Variants in CUX2 observed in about 807,000 individuals in gnomAD.
CUX2 encodes homeobox protein cut-like 2.
A neutral mutation model predicts 144.8 loss-of-function variants in CUX2; 40 were observed. That is an observed-to-expected ratio of 0.28 (90% CI 0.21 to 0.36). CUX2 has a LOEUF of 0.36. CUX2 is among the 10% of genes least tolerant of loss of function. The probability of loss-of-function intolerance (pLI) is 1.00; values close to 1 mark genes in which losing one functional copy is unlikely to be tolerated. For synonymous variants in CUX2, 827 were observed against 875.6 expected (o/e 0.94, Z 0.98); for missense variants, 1,615 against 1,994.0 (o/e 0.81, Z 3.62).
At chr12:111,317,713 C>T (rs913896399) in intron 16 of CUX2, among the ~76,000 whole-genome samples, 2 of 151,974 alleles carry the variant, frequency 1.3e-5, no homozygotes, top group African/African-American at 4.8e-5. Flanking sequence ...CATGTGATAC[C>T]GACCGGGCGC....
At chr12:111,084,816 G>C (rs540283337) in intron 1 of CUX2, among the ~76,000 whole-genome samples, 1 of 151,314 alleles carries the variant, frequency 6.6e-6, no homozygotes, top group South Asian at 2.1e-4. Flanking sequence ...TAGACAGCCC[G>C]CTGTACCTGC....
intron 1 of CUX2, among the ~76,000 whole-genome samples, chr12:111,211,790 G>A (rs1260528863): frequency 6.6e-6 from 1 of 152,012 alleles, no homozygotes; most frequent in Non-Finnish European, 1.5e-5. Context: ...GAGGCTGGGA[G>A]GCAGGAGAAT....
intron 1 of CUX2, among the ~76,000 whole-genome samples, chr12:111,179,414 A>C (rs1388585542): frequency 6.6e-6 from 1 of 152,194 alleles, no homozygotes; most frequent in Non-Finnish European, 1.5e-5. Flanking sequence ...TTCATGATGA[A>C]TTCTGTTTAC....
intron 18 of CUX2, among the ~76,000 whole-genome samples, chr12:111,332,468 A>C (rs1450709122): frequency 6.6e-6 from 1 of 152,020 alleles, no homozygotes; most frequent in Non-Finnish European, 1.5e-5. Flanking sequence ...TGCACCATGG[A>C]CATCTTTTCA....
chr12:111,234,118 T>C lies in CUX2; in HGVS notation c.222+16181T>C, dbSNP rs564227291. 2.0e-5 allele frequency among the ~76,000 whole-genome samples: 3 copies of C among 151,884 alleles called. No homozygotes were observed. In the South Asian group the frequency reaches 6.3e-4, roughly 32 times the overall value. On this transcript the variant is annotated intron_variant, in intron 3 of 21. Transcript: ENST00000261726. ...TAGTCTAACATTATATGCCCAAGAGTGGGTAAAAAAACAGAATTAAGTTAG... is the reference window on the plus strand; with the variant it reads ...TAGTCTAACATTATATGCCCAAGAGCGGGTAAAAAAACAGAATTAAGTTAG...
intron 1 of CUX2, among the ~76,000 whole-genome samples, chr12:111,183,146 T>G (rs1042566056): frequency 6.6e-6 from 1 of 152,248 alleles, no homozygotes; most frequent in African/African-American, 2.4e-5. Flanking sequence ...CTGAAGTTTA[T>G]GTGCTTCACC....
intron 19 of CUX2, 102 bp from the exon 20 acceptor site, chr12:111,338,184 C>G: frequency 7.8e-7 from 1 of 1,276,556 alleles, no homozygotes; most frequent in South Asian, 1.5e-5. Context: ...GAGATAGCCT[C>G]GAGGCTCTCC....
intron 1 of CUX2, among the ~76,000 whole-genome samples, chr12:111,202,916 A>C (rs1177606103): frequency 6.6e-6 from 1 of 152,126 alleles, no homozygotes; most frequent in Non-Finnish European, 1.5e-5. Context: ...GCTCCGAGAC[A>C]GAAACGTGCT....
chr12:111,098,830 G>C (rs1239426257), intron 1 of CUX2, among the ~76,000 whole-genome samples: 2 of 152,206 alleles, frequency 1.3e-5, no homozygotes, highest in Admixed American at 6.5e-5. Flanking sequence ...GGCACAAGCT[G>C]GGTATTCATT....
intron 21 of CUX2, among the ~76,000 whole-genome samples, chr12:111,344,981 G>A (rs1888729101): frequency 6.6e-6 from 1 of 151,926 alleles, no homozygotes; most frequent in African/African-American, 2.4e-5. Flanking sequence ...GTTGGCCAGG[G>A]TAGTCTAGAA....
intron 1 of CUX2, among the ~76,000 whole-genome samples, chr12:111,051,011 G>A (rs867048544): frequency 1.3e-5 from 2 of 152,132 alleles, no homozygotes; most frequent in African/African-American, 4.8e-5. Context: ...GACTTGGAAT[G>A]TTTCCAGTAC....
intron 18 of CUX2, among the ~76,000 whole-genome samples, chr12:111,330,706 T>TACACAC (rs1565926089): frequency 7.9e-4 from 18 of 22,918 alleles, no homozygotes; most frequent in African/African-American, 2.6e-3. Context: ...TATATATATA[T>TACACAC]ATATATATAT....
intron 4 of CUX2, among the ~76,000 whole-genome samples, chr12:111,288,319 G>A (rs764453960): frequency 6.6e-6 from 1 of 152,062 alleles, no homozygotes; most frequent in Non-Finnish European, 1.5e-5. Context: ...GGTGCCATGT[G>A]GAGCATTTTA....
intron 3 of CUX2, among the ~76,000 whole-genome samples, chr12:111,261,109 A>G (rs1313448945): frequency 6.6e-6 from 1 of 152,150 alleles, no homozygotes; most frequent in Non-Finnish European, 1.5e-5. Flanking sequence ...TCCAGGACAA[A>G]AGGAAGGCAG....
chr12:111,280,105 G>A lies in CUX2; in HGVS notation c.302-11313G>A, dbSNP rs181116984. Among the ~76,000 whole-genome samples the A allele has an allele frequency of 1.9e-3, 284 of 152,230 alleles. 1 individual carries two copies. The highest frequency in any genetic ancestry group is 6.5e-3 in the African/African-American group (269 of 41,540). On this transcript the variant is annotated intron_variant, in intron 4 of 21. Coordinates refer to ENST00000261726, the MANE Select transcript of CUX2 (RefSeq NM_015267.4). ...TCAAGACCAGCCTGACGAACATGGC[G>A]AAACCCCATCTCTACTAAAAATAAA... is the stretch of plus-strand genomic sequence containing the variant.
At chr12:111,108,086 T>C (rs1873721694) in intron 1 of CUX2, among the ~76,000 whole-genome samples, 1 of 152,230 alleles carries the variant, frequency 6.6e-6, no homozygotes, top group South Asian at 2.1e-4. Flanking sequence ...AGTCTTCTTT[T>C]GTCTTTAATG....
chr12:111,158,364 T>G (rs1877528309), intron 1 of CUX2, among the ~76,000 whole-genome samples: 1 of 151,616 alleles, frequency 6.6e-6, no homozygotes, highest in Non-Finnish European at 1.5e-5. Flanking sequence ...TCCCAGCACT[T>G]TGGGAGGCCA....
chr12:111,184,823 G>A (rs1879416340), intron 1 of CUX2, among the ~76,000 whole-genome samples: 1 of 152,036 alleles, frequency 6.6e-6, no homozygotes, highest in Middle Eastern at 3.2e-3. Flanking sequence ...CAGCACTGTG[G>A]GAGGCCGAGG....
chr12:111,238,004 C>T (rs992513277), intron 3 of CUX2, among the ~76,000 whole-genome samples: 5 of 152,162 alleles, frequency 3.3e-5, no homozygotes, highest in Admixed American at 2.6e-4. Context: ...CTGTGACAAC[C>T]GAAAATGTCT....
Sources: gnomAD v4.1 joint callset for allele counts (sites outside exome capture counted in the v4.1 genomes callset) on GRCh38, gnomAD v4.1.1 for gene constraint, MANE v1.5 for transcripts, NCBI Gene and HGNC (gene_info 2026-07-23, HGNC 2026-07-21) for gene names.